Variants in OTULINL observed in about 807,000 individuals in gnomAD.
The protein encoded by OTULINL is inactive ubiquitin thioesterase OTULINL.
In OTULINL, 42 loss-of-function variants were observed where a neutral mutation model predicts 43.9. The observed-to-expected ratio is 0.96, with a 90% CI of 0.75 to 1.24. OTULINL has a LOEUF of 1.24. OTULINL is among the 50% of genes most tolerant of loss of function. The pLI is 0.00. For synonymous variants in OTULINL, 172 were observed against 153.6 expected, an observed-to-expected ratio of 1.12 and a Z score of -0.88; for missense variants, 411 against 426.4, an observed-to-expected ratio of 0.96 and a Z score of 0.32.
At chr5:14,587,551 A>G (rs182961190) in intron 1 of OTULINL, among the ~76,000 whole-genome samples, 187 of 152,360 alleles carry the variant, frequency 1.2e-3, no homozygotes, top group African/African-American at 4.4e-3. Context: ...AACATAGCCA[A>G]TGAAATGATT....
In OTULINL at chr5:14,581,847, C is replaced by T; in HGVS notation, c.-48C>T. ...GGCGGCCGTCGCGTCTGACAGACCA[C>T]TGCAGACCACGGGCCGAGGCCCAGC... is the stretch of plus-strand genomic sequence containing the variant. On this transcript the variant is annotated 5_prime_UTR_variant, in exon 1 of 8. Transcript: ENST00000274217. 5.8e-6 allele frequency: 8 copies of T among 1,369,404 alleles called. No homozygotes were observed. In the South Asian group the frequency reaches 1.1e-4, roughly 19 times the overall value. 84.8% of individuals were successfully genotyped at this position (1,369,404 alleles called of 1,614,324 possible).
At position 14,612,316 on chromosome 5, in the gene OTULINL, A is replaced by C. The variant is rs912497920; in HGVS notation, c.*2002A>C. On this transcript the variant is annotated 3_prime_UTR_variant, in exon 8 of 8. Coordinates refer to ENST00000274217, the MANE Select transcript of OTULINL (RefSeq NM_019018.3). ...ATTTGTGTATTACCACTCACCTTGG[A>C]TCTCCTTACTAGTGTAATTATTTCC... The C allele has an allele frequency of 2.0e-5, 3 of 152,146 alleles. No individual in the cohort carries two copies. Among genetic ancestry groups the C allele is most frequent in the African/African-American group, 7.2e-5 (3 of 41,434 alleles). 9.4% of individuals were successfully genotyped at this position (152,146 alleles called of 1,614,324 possible).
Position 14,615,353 on chromosome 5 carries a change from G to T in OTULINL, c.*5039G>T, listed in dbSNP as rs1233348128. Among the ~76,000 whole-genome samples, 1 of 151,858 alleles carries T rather than the reference G, an allele frequency of 6.6e-6. No individual in the cohort carries two copies. The highest frequency in any genetic ancestry group is 1.9e-4 in the East Asian group (1 of 5,158). On this transcript the variant is annotated 3_prime_UTR_variant, in exon 8 of 8. Coordinates refer to ENST00000274217, the MANE Select transcript of OTULINL (RefSeq NM_019018.3). The stretch of plus-strand genomic sequence containing the variant: ...AGGTCATGGCTTCGTCCGCCTCCCA[G>T]CATGTACCTGGACTTCCTTTGGGTG...
chr5:14,582,452 C>T (rs1326847640), intron 1 of OTULINL, among the ~76,000 whole-genome samples: 2 of 151,932 alleles, frequency 1.3e-5, no homozygotes, highest in Non-Finnish European at 2.9e-5. Context: ...CACACCTTCG[C>T]GGCAGTCGAG....
intron 1 of OTULINL, among the ~76,000 whole-genome samples, chr5:14,594,773 G>A (rs796952332): frequency 6.6e-6 from 1 of 152,248 alleles, no homozygotes; most frequent in African/African-American, 2.4e-5. Context: ...TTCAAAGGGA[G>A]CAGGGTTCCA....
rs1043748729 is a variant in OTULINL, at chr5:14,615,482, C to T, written c.*5168C>T. ...ACGAAGGAGAGGACCAGAAAAGCTG[C>T]TTGGGTGTGGTGGAAGTTTCAGTGT... On this transcript the variant is annotated 3_prime_UTR_variant, in exon 8 of 8. Transcript: ENST00000274217. Among the ~76,000 whole-genome samples the T allele has an allele frequency of 6.6e-6, 1 of 152,112 alleles. No homozygotes were observed. Among genetic ancestry groups the T allele is most frequent in the African/African-American group, 2.4e-5 (1 of 41,412 alleles).
intron 1 of OTULINL, among the ~76,000 whole-genome samples, chr5:14,587,164 C>T (rs934127389): frequency 4.6e-5 from 7 of 152,196 alleles, no homozygotes; most frequent in African/African-American, 1.2e-4. Context: ...ATGAGAGAAT[C>T]GGTCCCTAGG....
chr5:14,584,590 A>G (rs1343146716), intron 1 of OTULINL, among the ~76,000 whole-genome samples: 1 of 152,130 alleles, frequency 6.6e-6, no homozygotes, highest in Non-Finnish European at 1.5e-5. Context: ...TTACACGGAA[A>G]ATGCTTAGAA....
Position 14,584,852 on chromosome 5 carries a change from G to A in OTULINL, c.64+2894G>A, listed in dbSNP as rs375901505. ...GCACAACTGTATGTATGAAGCAGAT[G>A]TTTCTGAGCCACCATAAGCAGGCTT... On this transcript the variant is annotated intron_variant, in intron 1 of 7. Transcript: ENST00000274217. Among the ~76,000 whole-genome samples, 70 of 152,310 alleles carry A rather than the reference G, an allele frequency of 4.6e-4. 1 individual carries two copies. The highest frequency in any genetic ancestry group is 1.7e-3 in the African/African-American group (69 of 41,568).
intron 5 of OTULINL, among the ~76,000 whole-genome samples, chr5:14,602,836 T>G (rs1759412052): frequency 6.6e-6 from 1 of 152,232 alleles, no homozygotes; most frequent in Non-Finnish European, 1.5e-5. Flanking sequence ...TTGTTTTTAA[T>G]GCCACCATCT....
chr5:14,583,329 AT>A (rs1759049973), intron 1 of OTULINL, among the ~76,000 whole-genome samples: 1 of 152,060 alleles, frequency 6.6e-6, no homozygotes, highest in African/African-American at 2.4e-5. Context: ...GAATGAACTC[AT>A]TTTTTTCAAC....
Position 14,608,780 on chromosome 5 carries a change from C to A in OTULINL, c.660C>A (p.His220Gln). ...AATTTAATGGCATTAGAGATTATCA[C>A]AAGAGAGGAAGTATGTGCAACACCC... is the stretch of plus-strand genomic sequence containing the variant. ...WTEFNGIRDY[H>Q]KRGSMCNTLF... The change falls in exon 7 of 8, where the codon CAC becomes CAA. Residue 220 changes from histidine (H) to glutamine (Q), a missense_variant. Transcript: ENST00000274217. 6.2e-7 allele frequency: 1 copy of A among 1,611,388 alleles called. No homozygotes were observed.
chr5:14,584,270 C>G (rs2126767506), intron 1 of OTULINL, among the ~76,000 whole-genome samples: 1 of 152,328 alleles, frequency 6.6e-6, no homozygotes, highest in Middle Eastern at 3.4e-3. Context: ...CTCTCCACCA[C>G]TGTCCATCTG....
Position 14,601,362 on chromosome 5 carries a change from G to A in OTULINL, c.268G>A (p.Val90Met). The stretch of plus-strand genomic sequence containing the variant: ...TTTATTTGGTCCAGGGAACCTCAGT[G>A]TGGAGGCAGAGGTTGATTTACTCAG... ...LQRKFKRNLS[V>M]EAEVDLLSYC... Residue 90 changes from valine (V) to methionine (M), a missense_variant, in exon 4 of 8, where the codon GTG becomes ATG. Val to Met is a conservative substitution (Grantham distance 21). Coordinates refer to ENST00000274217, the MANE Select transcript of OTULINL (RefSeq NM_019018.3). 1 of 1,614,034 alleles carries A rather than the reference G, an allele frequency of 6.2e-7. No homozygotes were observed. The highest frequency in any genetic ancestry group is 1.1e-5 in the South Asian group (1 of 91,076).
intron 1 of OTULINL, 72 bp from the exon 2 acceptor site, chr5:14,600,893 T>A (rs1306356424): frequency 7.8e-7 from 1 of 1,290,208 alleles, no homozygotes; most frequent in Non-Finnish European, 1.0e-6. Flanking sequence ...CTCTCTGCAT[T>A]TTTTTTCTCT....
At chr5:14,597,244 ACAG>A (rs1302102959) in intron 1 of OTULINL, among the ~76,000 whole-genome samples, 1 of 152,176 alleles carries the variant, frequency 6.6e-6, no homozygotes, top group Non-Finnish European at 1.5e-5. Context: ...TTTCAGTCTC[ACAG>A]CAGCCCTGAG....
chr5:14,605,598 C>CAAA, intron 5 of OTULINL, among the ~76,000 whole-genome samples: 2 of 152,210 alleles, frequency 1.3e-5, no homozygotes, highest in East Asian at 3.9e-4. Context: ...TGAACTTTTA[C>CAAA]GCTCTCTCTT....
At chr5:14,593,236 G>A (rs1287674885) in intron 1 of OTULINL, among the ~76,000 whole-genome samples, 1 of 152,254 alleles carries the variant, frequency 6.6e-6, no homozygotes, top group African/African-American at 2.4e-5. Flanking sequence ...ACTCCCACAG[G>A]ATGGAGCGAG....
chr5:14,609,088 T>C (rs757449770), intron 7 of OTULINL, 71 bp downstream of exon 7: 16 of 1,507,562 alleles, frequency 1.1e-5, no homozygotes, highest in Non-Finnish European at 1.3e-5. Flanking sequence ...CAGAGGTGTC[T>C]GGGGTGACTT....
Sources: allele counts gnomAD v4.1 joint callset (sites outside exome capture counted in the v4.1 genomes callset), GRCh38; gene constraint gnomAD v4.1.1; transcripts MANE v1.5; gene names NCBI Gene and HGNC (gene_info 2026-07-23, HGNC 2026-07-21).